Variants in CD101 observed in about 807,000 individuals in gnomAD.
CD101 encodes the protein CD101 molecule, also known as immunoglobulin superfamily member 2.
In CD101, 76 loss-of-function variants were observed where a neutral mutation model predicts 98.2. That is an observed-to-expected ratio of 0.77 (90% CI 0.64 to 0.94). The LOEUF is 0.94. Among genes scored for constraint, CD101 ranks in the 40% least tolerant of loss-of-function variants. The pLI is 0.00. For synonymous variants in CD101, 471 were observed against 472.7 expected (o/e 1.00, Z 0.05); for missense variants, 1,145 against 1,218.8 (o/e 0.94, Z 0.90).
Position 117,013,713 on chromosome 1 carries a change from G to A in CD101, c.1149G>A (p.Met383Ile), listed in dbSNP as rs1203388052. 26 of 1,613,954 alleles carry A rather than the reference G, an allele frequency of 1.6e-5. No individual in the cohort carries two copies. Among genetic ancestry groups the A allele is most frequent in the African/African-American group, 2.7e-5 (2 of 74,910 alleles). The change falls in exon 4 of 10, where the codon ATG becomes ATA. Residue 383 changes from methionine (M) to isoleucine (I), a missense_variant. Transcript: ENST00000682167. ...ACAGATGTGTGGTAGCAGAGGTCAT[G>A]AAAACACGCACAGGTTCCTGGCAGG... ...GAYRCVVAEV[M>I]KTRTGSWQVL...
intron 5 of CD101, among the ~76,000 whole-genome samples, chr1:117,017,900 A>C (rs1653337405): frequency 6.6e-6 from 1 of 152,212 alleles, no homozygotes; most frequent in Non-Finnish European, 1.5e-5. Flanking sequence ...GCAGCTGTCT[A>C]AGTAGCAGAT....
chr1:117,034,141 G>A lies in CD101; in HGVS notation c.*33+7G>A. On this transcript the variant is annotated splice_region_variant and intron_variant, in intron 9 of 9. Coordinates refer to ENST00000682167, the MANE Select transcript of CD101 (RefSeq NM_001256106.3). ...CTGCAGCCAGGAAGGAAAGGTGGGG[G>A]CTTTTTAATTGGGCTAACCAGGGTG... 6.2e-7 allele frequency: 1 copy of A among 1,607,608 alleles called. No homozygotes were observed. Among genetic ancestry groups the A allele is most frequent in the Non-Finnish European group, 8.5e-7 (1 of 1,177,496 alleles).
At chr1:117,015,904 G>C (rs1653176925) in intron 4 of CD101, among the ~76,000 whole-genome samples, 1 of 152,108 alleles carries the variant, frequency 6.6e-6, no homozygotes, top group Non-Finnish European at 1.5e-5. Flanking sequence ...AGGAGCCGTG[G>C]CCTTAAATTA....
At chr1:117,029,255 AAGAAAGAAAGAAAGAAAG>A (rs1309562501) in intron 8 of CD101, among the ~76,000 whole-genome samples, 11 of 140,026 alleles carry the variant, frequency 7.9e-5, no homozygotes, top group Non-Finnish European at 1.2e-4. Flanking sequence ...GAAAGAAAGA[AAGAAAGAAAGAAAGAAAG>A]AGTAGATACG....
Position 117,004,539 on chromosome 1 carries a change from T to A in CD101, c.43+2679T>A, listed in dbSNP as rs1344533240. 6.6e-6 allele frequency among the ~76,000 whole-genome samples: 1 copy of A among 152,182 alleles called. No homozygotes were observed. The highest frequency in any genetic ancestry group is 2.4e-5 in the African/African-American group (1 of 41,434). On this transcript the variant is annotated intron_variant, in intron 1 of 9. Coordinates refer to ENST00000682167, the MANE Select transcript of CD101 (RefSeq NM_001256106.3). This position sits in a 1 kb window ranked among gnomAD's most constrained non-coding sequence, Gnocchi z 4.1. The stretch of plus-strand genomic sequence containing the variant: ...TAATGTTAGTATGTCAGTGCCAAGC[T>A]TTGTACTCATCAGCCAACAAGAATA...
chr1:117,001,812 G>C lies in CD101; in HGVS notation c.-6G>C. ...ATTGGGACGAAAAAGGACTGTGCTG[G>C]CCCAAATGGCAGGCATCTCATATGT... On this transcript the variant is annotated 5_prime_UTR_variant, in exon 1 of 10. Transcript: ENST00000682167. The C allele has an allele frequency of 1.2e-6, 2 of 1,613,898 alleles. No individual in the cohort carries two copies. The highest frequency in any genetic ancestry group is 1.7e-6 in the Non-Finnish European group (2 of 1,179,876).
In CD101 at chr1:117,034,058, C is replaced by T. The variant is rs1369660388; in HGVS notation, c.3023C>T (p.Thr1008Ile). The T allele has an allele frequency of 1.2e-6, 2 of 1,614,072 alleles. No individual in the cohort carries two copies. Among genetic ancestry groups the T allele is most frequent in the African/African-American group, 1.3e-5 (1 of 74,978 alleles). Residue 1008 changes from threonine to isoleucine, a missense_variant, in exon 9 of 10, where the codon ACC (threonine) becomes ATC (isoleucine). Physicochemically the swap from Thr to Ile is moderately conservative, Grantham distance 89. Coordinates refer to ENST00000682167, the MANE Select transcript of CD101 (RefSeq NM_001256106.3). ...WVDLKEAGGVTTNRREDEEED... is the reference protein window; with the variant it reads ...WVDLKEAGGVITNRREDEEED... ...GACTTGAAAGAGGCTGGAGGTGTGA[C>T]CACAAATAGGAGGGAAGACGAGGAG...
Position 117,018,051 on chromosome 1 carries a change from C to A in CD101, c.1613-105C>A. 1 of 996,830 alleles carries A rather than the reference C, an allele frequency of 1.0e-6. No individual in the cohort carries two copies. The highest frequency in any genetic ancestry group is 1.4e-6 in the Non-Finnish European group (1 of 694,090). 61.7% of individuals were successfully genotyped at this position (996,830 alleles called of 1,614,324 possible). ...TATAAAATAGGAAACTCCAAATGTA[C>A]AAATGCATGGTCCTAGTCAAAGAGG... On this transcript the variant is annotated intron_variant, in intron 5 of 9. Transcript: ENST00000682167. This position sits in a 1 kb window ranked among gnomAD's most constrained non-coding sequence, Gnocchi z 4.3.
In CD101 at chr1:117,023,122, G is replaced by T. The variant is rs549995734; in HGVS notation, c.2428+1139G>T. ...GCCTGCTGTACATTTCTACTTGGAT[G>T]CCCCCATACTCAGCATGCCCTAAAT... is the stretch of plus-strand genomic sequence containing the variant. On this transcript the variant is annotated intron_variant, in intron 7 of 9. Transcript: ENST00000682167. The surrounding 1 kb of genome is among the most constrained non-coding windows in gnomAD (Gnocchi z 4.4). Among the ~76,000 whole-genome samples, 84 of 152,310 alleles carry T rather than the reference G, an allele frequency of 5.5e-4. No homozygotes were observed. The highest frequency in any genetic ancestry group is 1.8e-3 in the African/African-American group (76 of 41,554).
chr1:117,014,374 A>G (rs747591290), intron 4 of CD101, among the ~76,000 whole-genome samples: 3 of 152,232 alleles, frequency 2.0e-5, no homozygotes, highest in Middle Eastern at 3.4e-3. Context: ...TGTGGGAAAT[A>G]GTACTTAGTC....
intron 8 of CD101, among the ~76,000 whole-genome samples, chr1:117,031,153 C>T (rs1238701191): frequency 6.6e-6 from 1 of 152,186 alleles, no homozygotes; most frequent in Non-Finnish European, 1.5e-5. Flanking sequence ...GATTTAACAG[C>T]ACAGGCACTA....
In CD101 at chr1:117,022,055, T is replaced by C. The variant is rs1327483321; in HGVS notation, c.2428+72T>C. ...TGTTTTCTCTTGGGCAGCTGTTCTA[T>C]GGAGTGATTATGTGGAAGTAAAAAT... On this transcript the variant is annotated intron_variant, in intron 7 of 9. Transcript: ENST00000682167. The surrounding 1 kb of genome is among the most constrained non-coding windows in gnomAD (Gnocchi z 4.8). The C allele has an allele frequency of 1.1e-5, 17 of 1,486,666 alleles. No individual in the cohort carries two copies. The highest frequency in any genetic ancestry group is 2.3e-5 in the East Asian group (1 of 44,198). The allele number at this position is 1,486,666 out of a possible 1,614,324, so 92.1% of individuals were successfully genotyped here.
At chr1:117,035,199 G>A (rs1441298670) in intron 9 of CD101, among the ~76,000 whole-genome samples, 2 of 151,882 alleles carry the variant, frequency 1.3e-5, no homozygotes, top group African/African-American at 2.4e-5. Flanking sequence ...GCCAGAATTG[G>A]AAATCAATCA....
intron 8 of CD101, among the ~76,000 whole-genome samples, chr1:117,029,439 T>C (rs182207795): frequency 3.9e-5 from 6 of 152,326 alleles, no homozygotes; most frequent in Non-Finnish European, 7.3e-5. Flanking sequence ...CTCCATGCCA[T>C]CTTTCCCTGG....
chr1:117,010,004 G>A lies in CD101; in HGVS notation c.198G>A (p.Pro66=), dbSNP rs202159117. 1.9e-5 allele frequency: 31 copies of A among 1,614,164 alleles called. No individual in the cohort carries two copies. The highest frequency in any genetic ancestry group is 2.5e-5 in the Non-Finnish European group (29 of 1,180,028). Residue 66 remains proline, a synonymous_variant, in exon 2 of 10, where the codon CCG becomes CCA. Coordinates refer to ENST00000682167, the MANE Select transcript of CD101 (RefSeq NM_001256106.3). The surrounding 1 kb of genome is among the most constrained non-coding windows in gnomAD (Gnocchi z 5.2). Reference sequence around the variant, plus strand: ...GGTCTGTTTACCTGCCGACAAACCCGACCCAGGAAGTCCAGATCATTAGCA... The same window carrying A: ...GGTCTGTTTACCTGCCGACAAACCCAACCCAGGAAGTCCAGATCATTAGCA... ...FQWSVYLPTN[P]TQEVQIISTK...
chr1:117,020,603 A>G (rs928790805), intron 6 of CD101, among the ~76,000 whole-genome samples: 8 of 152,244 alleles, frequency 5.3e-5, no homozygotes, highest in African/African-American at 1.9e-4. Context: ...GAGTTATTTC[A>G]GCTGCACATT....
Position 117,017,231 on chromosome 1 carries a change from C to A in CD101, c.1370C>A (p.Pro457His). 1 of 1,614,050 alleles carries A rather than the reference C, an allele frequency of 6.2e-7. No individual in the cohort carries two copies. The highest frequency in any genetic ancestry group is 1.3e-5 in the African/African-American group (1 of 75,022). Residue 457 changes from proline to histidine, a missense_variant, in exon 5 of 10, where the codon CCC (proline) becomes CAC (histidine). Coordinates refer to ENST00000682167, the MANE Select transcript of CD101 (RefSeq NM_001256106.3). ...CACATCCCACGGGACCAGACACAGC[C>A]CGAGTTTGTGGCTGGCATGGGGCAG... Reference protein sequence around the residue: ...WWHIPRDQTQPEFVAGMGQDG... With the variant: ...WWHIPRDQTQHEFVAGMGQDG...
At chr1:117,011,242 A>T (rs1652869115) in intron 2 of CD101, among the ~76,000 whole-genome samples, 1 of 152,202 alleles carries the variant, frequency 6.6e-6, no homozygotes. Flanking sequence ...TCTCTGTCCC[A>T]GTGCTTTCTC....
Position 117,004,147 on chromosome 1 carries a change from G to A in CD101, c.43+2287G>A, listed in dbSNP as rs192586995. The stretch of plus-strand genomic sequence containing the variant: ...CCTACAAATAATGGCCATTAATATG[G>A]CAGGGTTTGGGGGAAGGGCTATTGT... On this transcript the variant is annotated intron_variant, in intron 1 of 9. Transcript: ENST00000682167. This position sits in a 1 kb window ranked among gnomAD's most constrained non-coding sequence, Gnocchi z 4.1. 2.0e-5 allele frequency among the ~76,000 whole-genome samples: 3 copies of A among 152,216 alleles called. No individual in the cohort carries two copies. The highest frequency in any genetic ancestry group is 3.9e-4 in the East Asian group (2 of 5,174).
Sources: gnomAD v4.1 joint callset for allele counts (sites outside exome capture counted in the v4.1 genomes callset) on GRCh38, gnomAD v4.1.1 for gene constraint, Gnocchi (gnomAD v3.1) non-coding constraint, MANE v1.5 for transcripts, NCBI Gene and HGNC (gene_info 2026-07-23, HGNC 2026-07-21) for gene names.